CELF2: variants seen among roughly 807,000 people sequenced by gnomAD.
CELF2 encodes the protein CUG triplet repeat RNA-binding protein 2.
A neutral mutation model predicts 62.6 loss-of-function variants in CELF2; 8 were observed. That is an observed-to-expected ratio of 0.13 (90% CI 0.07 to 0.23). The LOEUF (loss-of-function observed/expected upper bound fraction) is 0.23, where lower values mean the gene tolerates loss of function less well. Among genes scored for constraint, CELF2 ranks in the 10% least tolerant of loss-of-function variants. The probability of loss-of-function intolerance (pLI) is 1.00; values close to 1 mark genes in which losing one functional copy is unlikely to be tolerated. For missense variants in CELF2, 333 were observed against 671.0 expected, an observed-to-expected ratio of 0.50 and a Z score of 5.56; for synonymous variants, 258 against 250.0, an observed-to-expected ratio of 1.03 and a Z score of -0.30.
chr10:10,647,657 C>T, the CELF2 span, among the ~76,000 whole-genome samples: 365 of 152,252 alleles, frequency 2.4e-3, no homozygotes, highest in African/African-American at 8.1e-3. Context: ...AGCATATCCC[C>T]GGGCCTTGGA....
intron 1 of CELF2, among the ~76,000 whole-genome samples, chr10:10,889,352 G>A (rs1003966010): frequency 6.6e-6 from 1 of 152,152 alleles, no homozygotes; most frequent in Non-Finnish European, 1.5e-5. Context: ...GGGCTCTGAG[G>A]TTTTTCTTTT....
At chr10:10,748,773 A>G in the CELF2 span, among the ~76,000 whole-genome samples, 1 of 146,958 alleles carries the variant, frequency 6.8e-6, no homozygotes, top group Non-Finnish European at 1.5e-5. Context: ...AAAAAAAAAA[A>G]GAATTCTCTC....
At chr10:10,893,376 C>G (rs770409016) in intron 1 of CELF2, among the ~76,000 whole-genome samples, 2 of 152,162 alleles carry the variant, frequency 1.3e-5, no homozygotes, top group Non-Finnish European at 2.9e-5. Context: ...CAAGTGGTTT[C>G]CAGATCAACT....
In CELF2 at chr10:10,963,856, A is replaced by G. The variant is rs1045222972; in HGVS notation, c.89+43857A>G. Among the ~76,000 whole-genome samples the G allele has an allele frequency of 2.0e-5, 3 of 152,268 alleles. 1 individual carries two copies. Among genetic ancestry groups the G allele is most frequent in the African/African-American group, 7.2e-5 (3 of 41,546 alleles). ...AGATGCAGCAATGGATTCTCAGCCC[A>G]TTCCCATTCTAGTATACGCATCTAT... On this transcript the variant is annotated intron_variant, in intron 2 of 13. Coordinates refer to the CELF2 transcript ENST00000636488.
rs11256928 is a variant in CELF2 at position 10,938,998 on chromosome 10, A to G, written c.89+18999A>G. Among the ~76,000 whole-genome samples the G allele has an allele frequency of 5.7e-3, 866 of 152,162 alleles. 5 individuals carry two copies. The highest frequency in any genetic ancestry group is 0.02 in the African/African-American group (815 of 41,530). ...AAAGTCAGAAAGCCTGAGATCCACA[A>G]GCTTCTTGGGGAGGGATCTGCAGAC... On this transcript the variant is annotated intron_variant, in intron 2 of 13. Transcript: ENST00000636488. This position sits in a 1 kb window ranked among gnomAD's most constrained non-coding sequence, Gnocchi z 4.2.
At chr10:10,790,087 T>C in the CELF2 span, among the ~76,000 whole-genome samples, 1 of 152,150 alleles carries the variant, frequency 6.6e-6, no homozygotes, top group African/African-American at 2.4e-5. Flanking sequence ...GTTATTTATT[T>C]TGGTTTTGAA....
chr10:11,069,717 CTAAT>C (rs1373276356), intron 1 of CELF2, among the ~76,000 whole-genome samples: 1 of 152,178 alleles, frequency 6.6e-6, no homozygotes, highest in Admixed American at 6.5e-5. Flanking sequence ...GCTTGTCACT[CTAAT>C]TGATTGCACC....
rs527983309 is a variant in CELF2, at chr10:11,238,543, A to G, written c.355-10610A>G. ...TGGATTCATTGCTTCTTATATCACA[A>G]AGGTGCATTGACATAAAGGGAAGAA... On this transcript the variant is annotated intron_variant, in intron 3 of 12. Transcript: ENST00000633077. 7.9e-5 allele frequency among the ~76,000 whole-genome samples: 12 copies of G among 152,322 alleles called. No homozygotes were observed. In the East Asian group the frequency reaches 2.3e-3, roughly 29 times the overall value.
the CELF2 span, among the ~76,000 whole-genome samples, chr10:10,474,798 ACT>A: frequency 6.6e-6 from 1 of 152,000 alleles, no homozygotes; most frequent in Non-Finnish European, 1.5e-5. Context: ...AGTAGACTGT[ACT>A]CTCTCTACAT....
intron 5 of CELF2, among the ~76,000 whole-genome samples, chr10:11,264,471 T>C (rs2081601365): frequency 6.6e-6 from 1 of 152,242 alleles, no homozygotes; most frequent in South Asian, 2.1e-4. Flanking sequence ...AAAAACAGAA[T>C]TAGCCCAGGC....
chr10:10,823,011 A>C (rs1476356008), intron 1 of CELF2, among the ~76,000 whole-genome samples: 1 of 152,200 alleles, frequency 6.6e-6, no homozygotes, highest in East Asian at 1.9e-4. Context: ...TAGTTTACTT[A>C]CTTTATTAAG....
chr10:10,716,689 AC>A, the CELF2 span, among the ~76,000 whole-genome samples: 1 of 152,136 alleles, frequency 6.6e-6, no homozygotes, highest in Admixed American at 6.6e-5. Flanking sequence ...TTTCATTGCA[AC>A]CCCAGGTGCA....
At chr10:10,523,978 A>T in the CELF2 span, among the ~76,000 whole-genome samples, 1 of 152,178 alleles carries the variant, frequency 6.6e-6, no homozygotes, top group African/African-American at 2.4e-5. Context: ...TACAACCTCA[A>T]ATTTATATAG....
the CELF2 span, among the ~76,000 whole-genome samples, chr10:10,590,931 G>A: frequency 4.6e-5 from 7 of 152,138 alleles, no homozygotes; most frequent in African/African-American, 1.4e-4. Flanking sequence ...TATGGTAGAT[G>A]AATAAAATTG....
the CELF2 span, among the ~76,000 whole-genome samples, chr10:10,676,319 G>A: frequency 1.3e-5 from 2 of 152,194 alleles, no homozygotes; most frequent in Non-Finnish European, 2.9e-5. Flanking sequence ...AGTCCACACA[G>A]CTGGGTAGAG....
chr10:10,974,220 T>TTAA (rs1473323045), intron 2 of CELF2, among the ~76,000 whole-genome samples: 1 of 152,214 alleles, frequency 6.6e-6, no homozygotes, highest in African/African-American at 2.4e-5. Flanking sequence ...TAAATGGTGG[T>TTAA]TAATATCATT....
rs569557815 is a variant in CELF2, at chr10:11,229,559, C to G, written c.354+12052C>G. Among the ~76,000 whole-genome samples, 5 of 152,128 alleles carry G rather than the reference C, an allele frequency of 3.3e-5. No homozygotes were observed. The South Asian group carries it at 1.0e-3, about 32-fold the overall frequency. On this transcript the variant is annotated intron_variant, in intron 3 of 12. Transcript: ENST00000633077. The stretch of plus-strand genomic sequence containing the variant: ...TGTGTATGCCCAGGCCACACCACAG[C>G]CAAATAAGACTCACTTGGGATGAGA...
chr10:10,551,913 T>C, the CELF2 span, among the ~76,000 whole-genome samples: 1 of 152,136 alleles, frequency 6.6e-6, no homozygotes, highest in Admixed American at 6.5e-5. Context: ...GAGGGCCGCA[T>C]GCTGCTTCAC....
intron 9 of CELF2, among the ~76,000 whole-genome samples, chr10:11,308,616 C>T (rs1210010692): frequency 1.3e-5 from 2 of 152,236 alleles, no homozygotes; most frequent in Non-Finnish European, 2.9e-5. Flanking sequence ...AAGTAAATTA[C>T]ATATAGCCTA....
Sources: allele counts gnomAD v4.1 joint callset (sites outside exome capture counted in the v4.1 genomes callset), GRCh38; gene constraint gnomAD v4.1.1; non-coding constraint Gnocchi (gnomAD v3.1); transcripts MANE v1.5; gene names NCBI Gene and HGNC (gene_info 2026-07-23, HGNC 2026-07-21).